The following BNC2 variants were observed in gnomAD, a reference collection of about 807,000 sequenced individuals.
BNC2 encodes the protein zinc finger protein basonuclin-2.
Under a neutral mutation model 76.3 loss-of-function variants are expected in BNC2, and 20 were observed. The ratio of observed to expected loss-of-function variants is 0.26; its 90% CI spans 0.18 to 0.38. The LOEUF (loss-of-function observed/expected upper bound fraction) is 0.38, where lower values mean the gene tolerates loss of function less well. BNC2 is among the 10% of genes least tolerant of loss of function. BNC2 has a pLI of 1.00. For missense variants in BNC2, 1,382 were observed against 1,399.8 expected (o/e 0.99, Z 0.20); for synonymous variants, 582 against 514.8 (o/e 1.13, Z -1.77).
chr9:16,817,541 G>C (rs1191589459), intron 1 of BNC2, among the ~76,000 whole-genome samples: 1 of 152,160 alleles, frequency 6.6e-6, no homozygotes, highest in Non-Finnish European at 1.5e-5. Flanking sequence ...AAATAAAAAA[G>C]GTGAAGAGGC....
rs983924845 is a variant in BNC2 at position 16,844,713 on chromosome 9, G to A, written c.3+25933C>T. Among the ~76,000 whole-genome samples the A allele has an allele frequency of 5.3e-5, 8 of 152,132 alleles. No individual in the cohort carries two copies. The East Asian group carries it at 9.7e-4, about 18-fold the overall frequency. The stretch of plus-strand genomic sequence containing the variant: ...GGGTTTTCACCATGTTGGCCAGGCT[G>A]GTCTCGGACTCCTTACCTCAGGTGA... On this transcript the variant is annotated intron_variant, in intron 1 of 6. Transcript: ENST00000380672.
At chr9:16,758,398 G>C (rs1353673090) in intron 1 of BNC2, among the ~76,000 whole-genome samples, 1 of 151,802 alleles carries the variant, frequency 6.6e-6, no homozygotes. Flanking sequence ...GGAGTGCAGT[G>C]GTGCCATCTT....
At chr9:16,792,561 A>G (rs1313451915) in intron 1 of BNC2, among the ~76,000 whole-genome samples, 6 of 152,238 alleles carry the variant, frequency 3.9e-5, no homozygotes, top group Non-Finnish European at 7.3e-5. Flanking sequence ...AGAAGCTAGA[A>G]AGACCATTCC....
At chr9:16,463,751 C>A (rs1460315699) in intron 5 of BNC2, among the ~76,000 whole-genome samples, 4 of 152,022 alleles carry the variant, frequency 2.6e-5, no homozygotes, top group Non-Finnish European at 2.9e-5. Flanking sequence ...CTACAAAATT[C>A]ACAACTGAAA....
chr9:16,477,863 T>C (rs190505998), intron 5 of BNC2, among the ~76,000 whole-genome samples: 1 of 152,274 alleles, frequency 6.6e-6, no homozygotes, highest in Admixed American at 6.5e-5. Flanking sequence ...AAGCAACTCA[T>C]AGAACAAAGG....
At chr9:16,714,850 C>T (rs1188590970) in intron 3 of BNC2, among the ~76,000 whole-genome samples, 1 of 152,116 alleles carries the variant, frequency 6.6e-6, no homozygotes, top group African/African-American at 2.4e-5. Flanking sequence ...ACTGATTTGC[C>T]TGGAGAATTT....
At chr9:16,585,077 T>C (rs1414553198) in intron 3 of BNC2, among the ~76,000 whole-genome samples, 4 of 152,140 alleles carry the variant, frequency 2.6e-5, no homozygotes, top group African/African-American at 9.6e-5. Flanking sequence ...AATATTTAAA[T>C]CATTAATTTG....
chr9:16,639,128 A>T (rs1381725496), intron 3 of BNC2, among the ~76,000 whole-genome samples: 2 of 152,220 alleles, frequency 1.3e-5, no homozygotes, highest in Non-Finnish European at 2.9e-5. Flanking sequence ...GTTTGAGGTT[A>T]TCAAAAAAAT....
chr9:16,858,460 T>C (rs1305778025), intron 1 of BNC2, among the ~76,000 whole-genome samples: 1 of 152,236 alleles, frequency 6.6e-6, no homozygotes, highest in African/African-American at 2.4e-5. Flanking sequence ...ATGTAGCCTT[T>C]ACTCTTCTGA....
At chr9:16,437,587 A>G in intron 5 of BNC2, 63 bp from the exon 6 acceptor site, 1 of 1,565,442 alleles carries the variant, frequency 6.4e-7, no homozygotes, top group Non-Finnish European at 8.6e-7. Flanking sequence ...GTGCATAATT[A>G]TTCAATGCAA....
At chr9:16,752,964 AC>A in intron 1 of BNC2, among the ~76,000 whole-genome samples, 1 of 152,334 alleles carries the variant, frequency 6.6e-6, no homozygotes, top group South Asian at 2.1e-4. Context: ...AACTTACAGA[AC>A]TGCACAGAGC....
intron 2 of BNC2, among the ~76,000 whole-genome samples, chr9:16,737,676 T>C (rs1356134700): frequency 1.3e-5 from 2 of 152,158 alleles, no homozygotes; most frequent in African/African-American, 2.4e-5. Flanking sequence ...TCGAAAAATG[T>C]TGAAACAGAG....
intron 1 of BNC2, chr9:16,867,299 A>T (rs1819565766): frequency 6.6e-6 from 1 of 151,938 alleles, no homozygotes; most frequent in Admixed American, 6.5e-5. Flanking sequence ...AAACATTTTC[A>T]TGTACCATAG....
At chr9:16,510,020 T>C (rs1822716451) in intron 5 of BNC2, among the ~76,000 whole-genome samples, 1 of 152,206 alleles carries the variant, frequency 6.6e-6, no homozygotes, top group Non-Finnish European at 1.5e-5. Context: ...GTCTAGCAAA[T>C]GGCTAAAAGA....
chr9:16,751,620 A>ATGTG (rs1207751522), intron 1 of BNC2, among the ~76,000 whole-genome samples: 2 of 8,492 alleles, frequency 2.4e-4, no homozygotes, highest in African/African-American at 4.4e-4. Flanking sequence ...ATATATGTGT[A>ATGTG]TATATATATG....
At chr9:16,826,037 C>T (rs34685320) in intron 1 of BNC2, among the ~76,000 whole-genome samples, 1 of 152,122 alleles carries the variant, frequency 6.6e-6, no homozygotes. Flanking sequence ...AGGCTGATGA[C>T]GAGGGACACA....
At chr9:16,562,363 C>G (rs151034129) in intron 4 of BNC2, among the ~76,000 whole-genome samples, 25 of 152,262 alleles carry the variant, frequency 1.6e-4, no homozygotes, top group African/African-American at 5.8e-4. Context: ...AGCCCCTAAG[C>G]AAATGTAAGT....
At chr9:16,565,668 C>G (rs574501439) in intron 4 of BNC2, among the ~76,000 whole-genome samples, 1 of 151,950 alleles carries the variant, frequency 6.6e-6, no homozygotes, top group East Asian at 1.9e-4. Flanking sequence ...ATTAGCCAGG[C>G]ATTGTGGTGC....
At chr9:16,710,346 T>C (rs566018570) in intron 3 of BNC2, among the ~76,000 whole-genome samples, 68 of 152,320 alleles carry the variant, frequency 4.5e-4, no homozygotes, top group Non-Finnish European at 5.1e-4. Context: ...AAAATAAATA[T>C]TAGAGATTGA....
Sources: allele counts gnomAD v4.1 joint callset (sites outside exome capture counted in the v4.1 genomes callset), GRCh38; gene constraint gnomAD v4.1.1; transcripts MANE v1.5; gene names NCBI Gene and HGNC (gene_info 2026-07-23, HGNC 2026-07-21).